The following ZNF385D variants were observed in gnomAD, a reference collection of about 807,000 sequenced individuals.
ZNF385D encodes zinc finger protein 385D.
A neutral mutation model predicts 35.8 loss-of-function variants in ZNF385D; 15 were observed. The observed-to-expected ratio is 0.42, with a 90% CI of 0.28 to 0.64. The LOEUF (loss-of-function observed/expected upper bound fraction) is 0.64, where lower values mean the gene tolerates loss of function less well. ZNF385D is among the 30% of genes least tolerant of loss of function. The probability of loss-of-function intolerance (pLI) is 0.23; values close to 1 mark genes in which losing one functional copy is unlikely to be tolerated. For missense variants in ZNF385D, 474 were observed against 494.6 expected, an observed-to-expected ratio of 0.96 and a Z score of 0.39; for synonymous variants, 212 against 186.8, an observed-to-expected ratio of 1.13 and a Z score of -1.10.
intron 2 of ZNF385D, among the ~76,000 whole-genome samples, chr3:21,642,854 A>G (rs1209117664): frequency 6.6e-6 from 1 of 152,112 alleles, no homozygotes; most frequent in Non-Finnish European, 1.5e-5. Flanking sequence ...AAGGACAAAC[A>G]CTGTATAACT....
intron 2 of ZNF385D, among the ~76,000 whole-genome samples, chr3:22,370,546 G>A (rs909661086): frequency 3.3e-5 from 5 of 152,142 alleles, no homozygotes; most frequent in Non-Finnish European, 5.9e-5. Flanking sequence ...ATCACTGTAT[G>A]AATTTTTCAT....
intron 2 of ZNF385D, among the ~76,000 whole-genome samples, chr3:22,194,232 C>G (rs1401262821): frequency 6.6e-6 from 1 of 151,372 alleles, no homozygotes; most frequent in Non-Finnish European, 1.5e-5. Flanking sequence ...GCCATTTTTG[C>G]CAAAATTAAA....
At chr3:21,424,317 A>ATATTTTTTTT (rs1221923155) in intron 6 of ZNF385D, among the ~76,000 whole-genome samples, 1 of 63,812 alleles carries the variant, frequency 1.6e-5, no homozygotes, top group African/African-American at 6.1e-5. Flanking sequence ...ATATATATAT[A>ATATTTTTTTT]TTTTTTTTTT....
At chr3:22,179,249 CT>C (rs1217913731) in intron 2 of ZNF385D, among the ~76,000 whole-genome samples, 2 of 152,130 alleles carry the variant, frequency 1.3e-5, no homozygotes, top group African/African-American at 4.8e-5. Context: ...TTTGTATCCT[CT>C]TTTATTTCAT....
At chr3:21,779,008 G>C (rs1218941094) in intron 3 of ZNF385D, among the ~76,000 whole-genome samples, 1 of 151,968 alleles carries the variant, frequency 6.6e-6, no homozygotes, top group Non-Finnish European at 1.5e-5. Flanking sequence ...TGGAAAAGGA[G>C]ATATTCTTCC....
intron 4 of ZNF385D, among the ~76,000 whole-genome samples, chr3:21,450,881 A>T (rs532546353): frequency 3.5e-4 from 54 of 152,206 alleles, no homozygotes; most frequent in Non-Finnish European, 5.6e-4. Flanking sequence ...AACACTGGTA[A>T]GAGTTTCCTT....
At chr3:22,304,734 A>G (rs922924967) in intron 2 of ZNF385D, among the ~76,000 whole-genome samples, 2 of 152,094 alleles carry the variant, frequency 1.3e-5, no homozygotes, top group Non-Finnish European at 2.9e-5. Flanking sequence ...TTTGTTGCTT[A>G]TGTTGAATAT....
intron 3 of ZNF385D, among the ~76,000 whole-genome samples, chr3:21,992,032 G>A (rs531209114): frequency 2.0e-5 from 3 of 152,120 alleles, no homozygotes; most frequent in Admixed American, 6.5e-5. Context: ...CTCATCTCTG[G>A]AATGAGAATA....
chr3:21,902,613 C>T (rs551546204), intron 3 of ZNF385D, among the ~76,000 whole-genome samples: 3 of 152,106 alleles, frequency 2.0e-5, no homozygotes, highest in African/African-American at 7.2e-5. Context: ...TTTAAAGAAA[C>T]AGCAGAATGG....
chr3:22,047,662 G>A (rs1047893835), intron 3 of ZNF385D, among the ~76,000 whole-genome samples: 15 of 152,044 alleles, frequency 9.9e-5, no homozygotes, highest in African/African-American at 3.6e-4. Context: ...GGATATGTAG[G>A]TTGATTTCGT....
chr3:22,101,852 T>G (rs1023168206), intron 3 of ZNF385D, among the ~76,000 whole-genome samples: 1 of 151,900 alleles, frequency 6.6e-6, no homozygotes, highest in Non-Finnish European at 1.5e-5. Context: ...ATCTGGTGAC[T>G]ATATATTTTC....
At chr3:21,705,704 C>A (rs2067871331) in intron 1 of ZNF385D, among the ~76,000 whole-genome samples, 1 of 152,132 alleles carries the variant, frequency 6.6e-6, no homozygotes. Context: ...AAAACAAAAC[C>A]TTCTCTGTGT....
intron 3 of ZNF385D, among the ~76,000 whole-genome samples, chr3:21,924,666 T>C (rs958039627): frequency 1.2e-4 from 18 of 152,104 alleles, no homozygotes; most frequent in Admixed American, 3.3e-4. Context: ...GGGACATTCA[T>C]CTCTATCCAG....
rs373973523 is a variant in ZNF385D at position 21,808,199 on chromosome 3, A to C, written c.326-143171T>G. Among the ~76,000 whole-genome samples the C allele has an allele frequency of 6.6e-5, 10 of 152,252 alleles. No individual in the cohort carries two copies. The South Asian group carries it at 2.1e-3, about 31-fold the overall frequency. ...GAAAATTAGTATCAAAACTGTTACAAATATATTTTAAAAATCAAATTTAAA... is the reference window on the plus strand; with the variant it reads ...GAAAATTAGTATCAAAACTGTTACACATATATTTTAAAAATCAAATTTAAA... On this transcript the variant is annotated intron_variant, in intron 3 of 5. Coordinates refer to the ZNF385D transcript ENST00000494108.
intron 3 of ZNF385D, among the ~76,000 whole-genome samples, chr3:21,818,647 T>C (rs552059576): frequency 6.6e-6 from 1 of 152,042 alleles, no homozygotes; most frequent in Admixed American, 6.5e-5. Context: ...GGTAATAAGA[T>C]ATATGGCCTC....
intron 3 of ZNF385D, among the ~76,000 whole-genome samples, chr3:22,096,800 A>G (rs1191683077): frequency 1.3e-5 from 2 of 152,056 alleles, no homozygotes; most frequent in African/African-American, 4.8e-5. Context: ...GCGGAGTTTT[A>G]AAAATATGGC....
chr3:21,958,249 A>G (rs915419115), intron 3 of ZNF385D, among the ~76,000 whole-genome samples: 2 of 152,124 alleles, frequency 1.3e-5, no homozygotes, highest in Admixed American at 1.3e-4. Flanking sequence ...TGATCACATT[A>G]AGAAGACCTA....
At chr3:21,493,158 A>G (rs1705560557) in intron 4 of ZNF385D, among the ~76,000 whole-genome samples, 1 of 152,076 alleles carries the variant, frequency 6.6e-6, no homozygotes, top group Non-Finnish European at 1.5e-5. Context: ...AAAAATTGAT[A>G]CATACTAGTA....
intron 2 of ZNF385D, among the ~76,000 whole-genome samples, chr3:22,189,853 G>C (rs956382398): frequency 2.0e-5 from 3 of 152,100 alleles, no homozygotes; most frequent in Non-Finnish European, 4.4e-5. Flanking sequence ...GTGTCCTGTT[G>C]AAAGTGTCCT....
Sources: allele counts gnomAD v4.1 joint callset (sites outside exome capture counted in the v4.1 genomes callset), GRCh38; gene constraint gnomAD v4.1.1; transcripts MANE v1.5; gene names NCBI Gene and HGNC (gene_info 2026-07-23, HGNC 2026-07-21).